DIXDC1: variants seen among roughly 807,000 people sequenced by gnomAD.
DIXDC1 encodes the protein DIX domain containing 1.
A neutral mutation model predicts 103.1 loss-of-function variants in DIXDC1; 64 were observed. That is an observed-to-expected ratio of 0.62 (90% CI 0.51 to 0.76). The LOEUF (loss-of-function observed/expected upper bound fraction) is 0.76, where lower values mean the gene tolerates loss of function less well. DIXDC1 is among the 30% of genes least tolerant of loss of function. The pLI is 0.00. For missense variants in DIXDC1, 759 were observed against 834.2 expected, an observed-to-expected ratio of 0.91 and a Z score of 1.11; for synonymous variants, 266 against 298.5, an observed-to-expected ratio of 0.89 and a Z score of 1.12.
intron 7 of DIXDC1, among the ~76,000 whole-genome samples, chr11:111,984,169 A>G (rs1860413093): frequency 6.6e-6 from 1 of 152,156 alleles, no homozygotes; most frequent in Non-Finnish European, 1.5e-5. Flanking sequence ...GACAGATCCA[A>G]GTTTTGTGAG....
At chr11:112,016,604 T>G in intron 17 of DIXDC1, 87 bp from the exon 18 acceptor site, 1 of 1,172,022 alleles carries the variant, frequency 8.5e-7, no homozygotes, top group African/African-American at 1.6e-5. Flanking sequence ...CTCAGGCAGC[T>G]TTGTTCTCCC....
chr11:112,003,734 G>A (rs1345547220), intron 17 of DIXDC1, among the ~76,000 whole-genome samples: 1 of 151,812 alleles, frequency 6.6e-6, no homozygotes, highest in Non-Finnish European at 1.5e-5. Flanking sequence ...GGAGGTGGAG[G>A]TTGCGGTGAG....
chr11:111,958,625 C>T lies in DIXDC1; in HGVS notation c.61-5924C>T, dbSNP rs1342126989. On this transcript the variant is annotated intron_variant, in intron 1 of 19. Transcript: ENST00000440460. This position sits in a 1 kb window ranked among gnomAD's most constrained non-coding sequence, Gnocchi z 4.2. ...GTGCCCCTTGGCACGTGGCAGGAGG[C>T]AGACAGGCTCCTGTGTGGAAAGGGG... Among the ~76,000 whole-genome samples, 3 of 152,218 alleles carry T rather than the reference C, an allele frequency of 2.0e-5. No homozygotes were observed. The highest frequency in any genetic ancestry group is 7.2e-5 in the African/African-American group (3 of 41,464).
chr11:111,974,462 A>G, intron 4 of DIXDC1: 1 of 589,026 alleles, frequency 1.7e-6, no homozygotes. Context: ...TAGCAAAAGT[A>G]AAGGAATCTT....
At chr11:112,013,321 T>TA (rs1555177391) in intron 17 of DIXDC1, among the ~76,000 whole-genome samples, 1 of 35,710 alleles carries the variant, frequency 2.8e-5, no homozygotes, top group African/African-American at 9.8e-5. Flanking sequence ...GGTCGGGGGG[T>TA]GGGGGTGGGG....
chr11:112,011,317 A>T (rs1165658215), intron 17 of DIXDC1, among the ~76,000 whole-genome samples: 1 of 152,188 alleles, frequency 6.6e-6, no homozygotes, highest in African/African-American at 2.4e-5. Context: ...GATGCTGGAG[A>T]GGATGTGGAG....
chr11:111,948,609 G>A (rs1261050006), intron 1 of DIXDC1, among the ~76,000 whole-genome samples: 1 of 151,280 alleles, frequency 6.6e-6, no homozygotes. Context: ...TCCTAGCTGA[G>A]TGCTTGGTGC....
chr11:112,016,808 G>C lies in DIXDC1; in HGVS notation c.1862+12G>C. The stretch of plus-strand genomic sequence containing the variant: ...AATATACCAAAGAGGTGAGATTCTG[G>C]GATCATTGTATTTCACTGTAAAGAA... On this transcript the variant is annotated intron_variant, in intron 18 of 19. Coordinates refer to ENST00000440460, the MANE Select transcript of DIXDC1 (RefSeq NM_001037954.4). 1 of 1,589,304 alleles carries C rather than the reference G, an allele frequency of 6.3e-7. No individual in the cohort carries two copies. Among genetic ancestry groups the C allele is most frequent in the Non-Finnish European group, 8.6e-7 (1 of 1,165,046 alleles).
rs587758232 is a variant in DIXDC1, at chr11:111,958,504, C to G, written c.61-6045C>G. Among the ~76,000 whole-genome samples, 26 of 152,318 alleles carry G rather than the reference C, an allele frequency of 1.7e-4. No homozygotes were observed. The South Asian group carries it at 4.8e-3, about 28-fold the overall frequency. On this transcript the variant is annotated intron_variant, in intron 1 of 19. Coordinates refer to ENST00000440460, the MANE Select transcript of DIXDC1 (RefSeq NM_001037954.4). This position sits in a 1 kb window ranked among gnomAD's most constrained non-coding sequence, Gnocchi z 4.2. ...GGTTGGGGCAGCACTGATATGCCAGCCCCCTGCTGCCTTAGCTCCCTCTGG... is the reference window on the plus strand; with the variant it reads ...GGTTGGGGCAGCACTGATATGCCAGGCCCCTGCTGCCTTAGCTCCCTCTGG...
At chr11:111,975,693 C>G (rs1555172533) in intron 5 of DIXDC1, 1 of 985,532 alleles carries the variant, frequency 1.0e-6, no homozygotes, top group East Asian at 1.1e-4. Context: ...AATTTATGCT[C>G]TAATGACCTT....
chr11:111,928,816 T>C (rs1456513165), intron 1 of DIXDC1, among the ~76,000 whole-genome samples: 2 of 152,124 alleles, frequency 1.3e-5, no homozygotes, highest in Non-Finnish European at 1.5e-5. Context: ...CAAAGATTAT[T>C]TACTGCAAAG....
intron 17 of DIXDC1, among the ~76,000 whole-genome samples, chr11:112,006,992 C>A (rs782130479): frequency 6.6e-6 from 1 of 152,022 alleles, no homozygotes; most frequent in Non-Finnish European, 1.5e-5. Context: ...TTCAGAAGGT[C>A]GGTAATAAAC....
At chr11:111,938,446 C>G (rs1222377614) in intron 1 of DIXDC1, among the ~76,000 whole-genome samples, 6 of 152,176 alleles carry the variant, frequency 3.9e-5, no homozygotes, top group Middle Eastern at 3.4e-3. Flanking sequence ...CGCTCCTTTT[C>G]CTTCCATCTC....
chr11:111,984,844 A>G (rs782523360), intron 7 of DIXDC1, among the ~76,000 whole-genome samples: 25 of 152,238 alleles, frequency 1.6e-4, no homozygotes, highest in Non-Finnish European at 1.0e-4. Context: ...ATAATTCATT[A>G]TAATACTCAT....
At chr11:112,005,043 A>C (rs1861192519) in intron 17 of DIXDC1, among the ~76,000 whole-genome samples, 1 of 152,256 alleles carries the variant, frequency 6.6e-6, no homozygotes, top group South Asian at 2.1e-4. Context: ...TCAAACTCAT[A>C]TATGACAAGG....
At chr11:111,957,796 T>G (rs1192232736) in intron 1 of DIXDC1, among the ~76,000 whole-genome samples, 1 of 152,228 alleles carries the variant, frequency 6.6e-6, no homozygotes, top group Non-Finnish European at 1.5e-5. Context: ...AGGACATTAG[T>G]GGGACAGTTG....
chr11:111,992,812 C>T, intron 11 of DIXDC1, 139 bp from the exon 12 acceptor site: 2 of 864,478 alleles, frequency 2.3e-6, no homozygotes, highest in Non-Finnish European at 1.8e-6. Flanking sequence ...ATGTGGAGAG[C>T]AGCTGTGTAT....
chr11:111,942,174 C>A (rs973067761), intron 1 of DIXDC1, among the ~76,000 whole-genome samples: 1 of 152,208 alleles, frequency 6.6e-6, no homozygotes, highest in East Asian at 1.9e-4. Context: ...GGCTTCATTC[C>A]CACAGGAGGC....
Position 111,974,121 on chromosome 11 carries a change from G to C in DIXDC1, c.415G>C (p.Asp139His), listed in dbSNP as rs782027370. ...CAGCAGGACGGTGAACCAAGGACGG[G>C]ACTCCAGAGCCCCTCTGCAAAGTCA... is the stretch of plus-strand genomic sequence containing the variant. ...GSSRTVNQGRDSRAPLQSHRP... is the reference protein window; with the variant it reads ...GSSRTVNQGRHSRAPLQSHRP... Residue 139 changes from aspartate to histidine, a missense_variant, in exon 4 of 20, where the codon GAC becomes CAC. By Grantham distance (81) the Asp-to-His change is moderately conservative. Around this residue, in one of 3 missense-constraint regions of DIXDC1, gnomAD observed 657 missense variants for 727.5 expected, o/e 0.90. Transcript: ENST00000440460. 1.9e-6 allele frequency: 3 copies of C among 1,613,902 alleles called. No individual in the cohort carries two copies. Among genetic ancestry groups the C allele is most frequent in the Non-Finnish European group, 2.5e-6 (3 of 1,179,914 alleles).
Sources: allele counts gnomAD v4.1 joint callset (sites outside exome capture counted in the v4.1 genomes callset), GRCh38; gene constraint gnomAD v4.1.1; regional missense constraint gnomAD v4.1.1; non-coding constraint Gnocchi (gnomAD v3.1); transcripts MANE v1.5; gene names NCBI Gene and HGNC (gene_info 2026-07-23, HGNC 2026-07-21).